Variants in SPATA13 observed in about 807,000 individuals in gnomAD.
The protein encoded by SPATA13 is spermatogenesis associated 13.
Under a neutral mutation model 104.0 loss-of-function variants are expected in SPATA13, and 50 were observed. The observed-to-expected ratio is 0.48, with a 90% CI of 0.38 to 0.61. SPATA13 has a LOEUF of 0.61. Among genes scored for constraint, SPATA13 ranks in the 20% least tolerant of loss-of-function variants. The pLI, the probability that SPATA13 is intolerant of heterozygous loss-of-function variation, is 0.00. For synonymous variants in SPATA13, 606 were observed against 667.5 expected (o/e 0.91, Z 1.42); for missense variants, 1,524 against 1,690.6 (o/e 0.90, Z 1.73).
At chr13:24,055,533 G>GC (rs1332557048) in intron 3 of SPATA13, among the ~76,000 whole-genome samples, 2 of 152,200 alleles carry the variant, frequency 1.3e-5, no homozygotes, top group Non-Finnish European at 2.9e-5. Flanking sequence ...TAGTAACCAT[G>GC]CATTCACTGA....
chr13:24,304,617 A>G lies in SPATA13; in HGVS notation c.*1844A>G, dbSNP rs1381947576. On this transcript the variant is annotated 3_prime_UTR_variant, in exon 13 of 13. Coordinates refer to ENST00000382108, the MANE Select transcript of SPATA13 (RefSeq NM_001166271.3). ...CCTGAGAGTGACATCATGCATCAAG[A>G]AAACATAACCTTGGTCCTCAGGTGA... The G allele has an allele frequency of 1.3e-5, 2 of 152,290 alleles. No individual in the cohort carries two copies. The highest frequency in any genetic ancestry group is 2.9e-5 in the Non-Finnish European group (2 of 68,084). The allele number at this position is 152,290 out of a possible 1,614,324, so 9.4% of individuals were successfully genotyped here.
At chr13:24,259,935 C>T (rs372157304) in intron 4 of SPATA13, among the ~76,000 whole-genome samples, 13 of 152,178 alleles carry the variant, frequency 8.5e-5, no homozygotes, top group Admixed American at 5.2e-4. Flanking sequence ...CCACCACACC[C>T]GGCCTGAGTT....
At chr13:24,063,278 T>C (rs1878840677) in intron 3 of SPATA13, among the ~76,000 whole-genome samples, 1 of 152,084 alleles carries the variant, frequency 6.6e-6, no homozygotes, top group Non-Finnish European at 1.5e-5. Context: ...ATAGGAGGAG[T>C]GAAGGATATC....
chr13:24,064,358 C>G (rs1878878046), intron 3 of SPATA13, among the ~76,000 whole-genome samples: 1 of 152,192 alleles, frequency 6.6e-6, no homozygotes, highest in African/African-American at 2.4e-5. Flanking sequence ...GCAGTAACCT[C>G]ACAGTGGAGA....
rs143320307 is a variant in SPATA13 at position 24,193,153 on chromosome 13, G to T, written c.-111-29666G>T. ...CTGGGGAGGACCTTCAGGAAGCTTT[G>T]TCTGGCATGTGGGCGCTGGATGGAT... On this transcript the variant is annotated intron_variant, in intron 1 of 12. Coordinates refer to ENST00000382108, the MANE Select transcript of SPATA13 (RefSeq NM_001166271.3). Among the ~76,000 whole-genome samples, 12 of 152,288 alleles carry T rather than the reference G, an allele frequency of 7.9e-5. No homozygotes were observed. In the East Asian group the frequency reaches 1.4e-3, roughly 17 times the overall value.
chr13:24,012,172 A>C (rs1025879357), intron 2 of SPATA13, among the ~76,000 whole-genome samples: 1 of 152,236 alleles, frequency 6.6e-6, no homozygotes, highest in African/African-American at 2.4e-5. Flanking sequence ...CAGAGGTATC[A>C]GTCTCTTTCC....
intron 3 of SPATA13, among the ~76,000 whole-genome samples, chr13:24,084,082 A>G (rs1879635548): frequency 1.3e-5 from 2 of 151,124 alleles, no homozygotes; most frequent in South Asian, 4.2e-4. Context: ...TTCTTCTCAG[A>G]AAGAGAAAGG....
chr13:24,252,756 G>C (rs1873566330), intron 4 of SPATA13: 1 of 152,200 alleles, frequency 6.6e-6, no homozygotes, highest in Non-Finnish European at 1.5e-5. Flanking sequence ...TAAGCAAAAA[G>C]GGAATTTATT....
intron 4 of SPATA13, chr13:24,270,852 A>G (rs774157504): frequency 1.9e-6 from 3 of 1,612,884 alleles, no homozygotes; most frequent in South Asian, 1.1e-5. Context: ...TTTTCCAAAC[A>G]GAAGGATGGT....
chr13:24,258,364 C>CAAAAAAAA (rs3067220), intron 4 of SPATA13, among the ~76,000 whole-genome samples: 15 of 96,434 alleles, frequency 1.6e-4, no homozygotes, highest in African/African-American at 5.2e-4. Context: ...GAGTTCATCT[C>CAAAAAAAA]AAAAAAAAAA....
rs200310974 is a variant in SPATA13, at chr13:24,251,879, C to T, written c.2164+17C>T. The T allele has an allele frequency of 6.2e-7, 1 of 1,609,508 alleles. No individual in the cohort carries two copies. The highest frequency in any genetic ancestry group is 1.3e-5 in the African/African-American group (1 of 74,928). ...CATCCAACGGTGAGTCTCAGAGTCC[C>T]TTTCCTTTCAGAGCTGCTATGGGCC... On this transcript the variant is annotated intron_variant, in intron 4 of 12. Transcript: ENST00000382108.
chr13:24,138,421 C>T (rs1881645897), intron 3 of SPATA13, among the ~76,000 whole-genome samples: 1 of 152,094 alleles, frequency 6.6e-6, no homozygotes, highest in Non-Finnish European at 1.5e-5. Flanking sequence ...TTTCCTAGGA[C>T]TGGAACTGCT....
At chr13:24,199,315 T>C (rs1870273407) in intron 1 of SPATA13, among the ~76,000 whole-genome samples, 1 of 152,220 alleles carries the variant, frequency 6.6e-6, no homozygotes, top group African/African-American at 2.4e-5. Flanking sequence ...GACTGAATCT[T>C]GCTAGATGGC....
At chr13:24,229,503 C>G (rs1393301765) in intron 2 of SPATA13, among the ~76,000 whole-genome samples, 1 of 152,184 alleles carries the variant, frequency 6.6e-6, no homozygotes, top group Non-Finnish European at 1.5e-5. Flanking sequence ...ATGTCAAACA[C>G]TTAGCCCGCC....
intron 1 of SPATA13, among the ~76,000 whole-genome samples, chr13:24,172,416 C>CT (rs1883011230): frequency 6.6e-6 from 1 of 152,166 alleles, no homozygotes; most frequent in Non-Finnish European, 1.5e-5. Context: ...GGTACCAAGT[C>CT]TAAGAACTCC....
At chr13:24,154,539 C>T (rs541431004) in intron 3 of SPATA13, among the ~76,000 whole-genome samples, 2 of 152,072 alleles carry the variant, frequency 1.3e-5, no homozygotes, top group Non-Finnish European at 2.9e-5. Context: ...GGGGGAGGGG[C>T]ACATAAGGGA....
chr13:24,111,590 G>A (rs554543550), intron 3 of SPATA13, among the ~76,000 whole-genome samples: 5 of 152,286 alleles, frequency 3.3e-5, no homozygotes, highest in Non-Finnish European at 5.9e-5. Flanking sequence ...ATTTTTTGTA[G>A]AGATGGGTTT....
At chr13:24,083,913 A>G (rs749177182) in intron 3 of SPATA13, among the ~76,000 whole-genome samples, 35 of 152,300 alleles carry the variant, frequency 2.3e-4, no homozygotes, top group Non-Finnish European at 3.2e-4. Context: ...TCCTTACAGC[A>G]GGGCAGGAAT....
chr13:24,188,596 C>G (rs1395174225), intron 1 of SPATA13, among the ~76,000 whole-genome samples: 2 of 152,174 alleles, frequency 1.3e-5, no homozygotes, highest in Admixed American at 6.5e-5. Context: ...AGGAAAGAAG[C>G]CATCTCTGTA....
Sources: allele counts gnomAD v4.1 joint callset (sites outside exome capture counted in the v4.1 genomes callset), GRCh38; gene constraint gnomAD v4.1.1; transcripts MANE v1.5; gene names NCBI Gene and HGNC (gene_info 2026-07-23, HGNC 2026-07-21).